Variants in PLPPR1 observed in about 807,000 individuals in gnomAD.
PLPPR1 encodes phospholipid phosphatase related 1, also known as phospholipid phosphatase-related protein type 1.
Under a neutral mutation model 33.1 loss-of-function variants are expected in PLPPR1, and 10 were observed. The ratio of observed to expected loss-of-function variants is 0.30; its 90% confidence interval spans 0.19 to 0.51. The LOEUF (loss-of-function observed/expected upper bound fraction) is 0.51, where lower values mean the gene tolerates loss of function less well. PLPPR1 is among the 20% of genes least tolerant of loss of function. PLPPR1 has a pLI of 0.97. For missense variants in PLPPR1, 304 were observed against 408.1 expected (o/e 0.74, Z 2.20); for synonymous variants, 151 against 151.0 (o/e 1.00, Z 0.00).
chr9:101,241,488 AT>A (rs778256229), intron 2 of PLPPR1, among the ~76,000 whole-genome samples: 5 of 152,126 alleles, frequency 3.3e-5, no homozygotes, highest in Non-Finnish European at 7.4e-5. Flanking sequence ...GTTGGGCCAC[AT>A]TCAAAGCCGT....
chr9:101,255,201 T>A (rs968185601), intron 2 of PLPPR1, among the ~76,000 whole-genome samples: 2 of 152,128 alleles, frequency 1.3e-5, no homozygotes, highest in African/African-American at 4.8e-5. Flanking sequence ...CTATAGGGGA[T>A]GATGAAAGAG....
At chr9:101,191,732 A>G (rs1181622171) in intron 2 of PLPPR1, among the ~76,000 whole-genome samples, 1 of 152,202 alleles carries the variant, frequency 6.6e-6, no homozygotes, top group Non-Finnish European at 1.5e-5. Context: ...ATTCCTCTCA[A>G]GAAAATTTTA....
At chr9:101,114,559 C>T (rs1272884982) in intron 1 of PLPPR1, among the ~76,000 whole-genome samples, 2 of 152,198 alleles carry the variant, frequency 1.3e-5, no homozygotes, top group Non-Finnish European at 2.9e-5. Flanking sequence ...CTTCCTGTCT[C>T]CTGCCATTGC....
At chr9:101,172,353 G>GAAA (rs55644832) in intron 1 of PLPPR1, among the ~76,000 whole-genome samples, 3 of 148,290 alleles carry the variant, frequency 2.0e-5, no homozygotes, top group Non-Finnish European at 3.0e-5. Flanking sequence ...CACTAAAGGG[G>GAAA]AAAAAAAAAA....
At chr9:101,135,668 T>TA (rs1417252868) in intron 1 of PLPPR1, among the ~76,000 whole-genome samples, 1 of 152,196 alleles carries the variant, frequency 6.6e-6, no homozygotes, top group East Asian at 1.9e-4. Context: ...GTCATTAGAG[T>TA]AGAAAGACGT....
At chr9:101,100,396 T>C (rs1466746255) in intron 1 of PLPPR1, among the ~76,000 whole-genome samples, 5 of 152,100 alleles carry the variant, frequency 3.3e-5, no homozygotes, top group Non-Finnish European at 7.4e-5. Flanking sequence ...GGTTTTACCT[T>C]CTAATTACTT....
At chr9:101,172,684 C>A (rs918866003) in intron 1 of PLPPR1, among the ~76,000 whole-genome samples, 1 of 152,074 alleles carries the variant, frequency 6.6e-6, no homozygotes. Flanking sequence ...CTCTGCAGCA[C>A]TTTCCTCTCT....
chr9:101,188,192 C>A (rs192482328), intron 2 of PLPPR1, among the ~76,000 whole-genome samples: 41 of 152,142 alleles, frequency 2.7e-4, no homozygotes, highest in South Asian at 6.2e-4. Context: ...TTTTCACTGT[C>A]ATAAATGTTT....
At chr9:101,300,132 T>C (rs1463195945) in intron 4 of PLPPR1, among the ~76,000 whole-genome samples, 1 of 152,220 alleles carries the variant, frequency 6.6e-6, no homozygotes, top group African/African-American at 2.4e-5. Context: ...CAAAGCTTTC[T>C]ATAATAATTT....
At chr9:101,079,618 C>T (rs561827175) in intron 1 of PLPPR1, among the ~76,000 whole-genome samples, 92 of 149,852 alleles carry the variant, frequency 6.1e-4, no homozygotes, top group African/African-American at 2.2e-3. Context: ...CTAGCTCTTT[C>T]GCCCAGGCTG....
intron 1 of PLPPR1, among the ~76,000 whole-genome samples, chr9:101,138,105 G>A (rs1166106541): frequency 2.0e-5 from 3 of 152,198 alleles, no homozygotes; most frequent in Non-Finnish European, 2.9e-5. Context: ...AGACAGCTCT[G>A]TCATCTTGTA....
chr9:101,215,061 A>C (rs1335708345), intron 2 of PLPPR1, among the ~76,000 whole-genome samples: 1 of 151,878 alleles, frequency 6.6e-6, no homozygotes, highest in Non-Finnish European at 1.5e-5. Context: ...AAAAAAGCTA[A>C]AGGGACCAGA....
At chr9:101,032,204 A>T (rs1221224862) in intron 1 of PLPPR1, among the ~76,000 whole-genome samples, 1 of 152,026 alleles carries the variant, frequency 6.6e-6, no homozygotes, top group East Asian at 1.9e-4. Context: ...CTATCCAAGC[A>T]TAAGAACTTC....
intron 3 of PLPPR1, among the ~76,000 whole-genome samples, chr9:101,277,420 A>G (rs1043512780): frequency 3.3e-5 from 5 of 152,158 alleles, no homozygotes; most frequent in African/African-American, 1.2e-4. Flanking sequence ...CTTTCAGGGA[A>G]GGTTACTTGG....
chr9:101,111,258 T>C (rs1212546729), intron 1 of PLPPR1, among the ~76,000 whole-genome samples: 1 of 152,132 alleles, frequency 6.6e-6, no homozygotes, highest in African/African-American at 2.4e-5. Context: ...TTCAAGTCGT[T>C]TTCAGAAAAT....
At chr9:101,317,711 C>T (rs1025102930) in intron 7 of PLPPR1, among the ~76,000 whole-genome samples, 1 of 152,150 alleles carries the variant, frequency 6.6e-6, no homozygotes, top group African/African-American at 2.4e-5. Context: ...TCAGAGAGTT[C>T]TTAGTAATGT....
At chr9:101,125,699 GC>G in intron 1 of PLPPR1, 1 of 619,722 alleles carries the variant, frequency 1.6e-6, no homozygotes. Flanking sequence ...AACATTACAG[GC>G]CCCATAAAGA....
chr9:101,125,812 T>C, intron 1 of PLPPR1: 1 of 711,756 alleles, frequency 1.4e-6, no homozygotes, highest in South Asian at 2.2e-5. Context: ...TAAAACTCTG[T>C]TGTGAAGGCT....
intron 7 of PLPPR1, among the ~76,000 whole-genome samples, chr9:101,319,108 A>T (rs935538686): frequency 1.3e-5 from 2 of 152,210 alleles, no homozygotes; most frequent in Non-Finnish European, 2.9e-5. Flanking sequence ...TATCAGTGCA[A>T]TATAAAATAA....
Sources: gnomAD v4.1 joint callset for allele counts (sites outside exome capture counted in the v4.1 genomes callset) on GRCh38, gnomAD v4.1.1 for gene constraint, MANE v1.5 for transcripts, NCBI Gene and HGNC (gene_info 2026-07-23, HGNC 2026-07-21) for gene names.